The following FYB1 variants were observed in gnomAD, a reference collection of about 807,000 sequenced individuals.
FYB1 encodes FYN binding protein 1.
Under a neutral mutation model 94.1 loss-of-function variants are expected in FYB1, and 41 were observed. The observed-to-expected ratio is 0.44, with a 90% CI of 0.34 to 0.57. The LOEUF (loss-of-function observed/expected upper bound fraction) is 0.57, where lower values mean the gene tolerates loss of function less well. Ranked by LOEUF, FYB1 falls within the 20% of genes least tolerant of loss-of-function variation. The pLI, the probability that FYB1 is intolerant of heterozygous loss-of-function variation, is 0.02. For missense variants in FYB1, 1,050 were observed against 976.8 expected, an observed-to-expected ratio of 1.07 and a Z score of -1.00; for synonymous variants, 367 against 353.2, an observed-to-expected ratio of 1.04 and a Z score of -0.44.
rs1760403758 is a variant in FYB1 at position 39,106,815 on chromosome 5, A to G, written c.*628T>C. On this transcript the variant is annotated 3_prime_UTR_variant, in exon 19 of 19. Coordinates refer to ENST00000512982, the MANE Select transcript of FYB1 (RefSeq NM_001465.6). ...ACTTCAATGTGCATACTAAATGCATAACATTCGTATCAAATAATTAACATT... is the reference window on the plus strand; with the variant it reads ...ACTTCAATGTGCATACTAAATGCATGACATTCGTATCAAATAATTAACATT... The G allele has an allele frequency of 6.6e-6, 1 of 152,132 alleles. No homozygotes were observed. Among genetic ancestry groups the G allele is most frequent in the Admixed American group, 6.5e-5 (1 of 15,270 alleles). 9.4% of individuals were successfully genotyped at this position (152,132 alleles called of 1,614,324 possible). A position where few individuals can be genotyped will look rare whatever the true frequency, so the allele number is the denominator to read the frequency against.
intron 2 of FYB1, among the ~76,000 whole-genome samples, chr5:39,174,736 T>C (rs924328153): frequency 2.0e-5 from 3 of 152,240 alleles, no homozygotes; most frequent in Non-Finnish European, 4.4e-5. Flanking sequence ...TCTCTCTTTT[T>C]AGTTTGTTTA....
At chr5:39,172,864 G>A (rs539393370) in intron 2 of FYB1, among the ~76,000 whole-genome samples, 32 of 152,262 alleles carry the variant, frequency 2.1e-4, no homozygotes, top group African/African-American at 6.7e-4. Flanking sequence ...GGGCACCTAG[G>A]TTAATTGCAT....
intron 16 of FYB1, among the ~76,000 whole-genome samples, chr5:39,114,075 A>G (rs368113105): frequency 1.3e-5 from 2 of 152,122 alleles, no homozygotes; most frequent in African/African-American, 4.8e-5. Context: ...AAAATGATCA[A>G]TTGGATTTGG....
intron 1 of FYB1, among the ~76,000 whole-genome samples, chr5:39,264,654 C>T (rs1752353707): frequency 6.6e-6 from 1 of 152,140 alleles, no homozygotes; most frequent in Admixed American, 6.5e-5. Context: ...CCCCCATTTA[C>T]CCCATGCCCA....
At chr5:39,171,684 T>C (rs1745260786) in intron 2 of FYB1, among the ~76,000 whole-genome samples, 1 of 152,208 alleles carries the variant, frequency 6.6e-6, no homozygotes, top group South Asian at 2.1e-4. Context: ...TCACCTCCCA[T>C]TCTTTTGTTT....
At position 39,118,993 on chromosome 5, in the gene FYB1, G is replaced by C; in HGVS notation, c.2282C>G (p.Thr761Ser). 2 of 1,531,496 alleles carry C rather than the reference G, an allele frequency of 1.3e-6. No homozygotes were observed. Among genetic ancestry groups the C allele is most frequent in the Non-Finnish European group, 1.8e-6 (2 of 1,124,112 alleles). The allele number at this position is 1,531,496 out of a possible 1,614,324, so 94.9% of individuals were successfully genotyped here. A position where few individuals can be genotyped will look rare whatever the true frequency, so the allele number is the denominator to read the frequency against. Reference protein sequence around the residue: ...IRVLYSTKVTTSITSKKWGTR... With the variant: ...IRVLYSTKVTSSITSKKWGTR... Reference sequence around the variant, plus strand: ...TCCCCACTTTTTAGAAGTTATGGAAGTTGTAACTTTAGTTGAATATAGGAC... The same window carrying C: ...TCCCCACTTTTTAGAAGTTATGGAACTTGTAACTTTAGTTGAATATAGGAC... The change falls in exon 16 of 19, where the codon ACT becomes AGT. Residue 761 changes from threonine (T) to serine (S), a missense_variant. Thr to Ser is a moderately conservative substitution (Grantham distance 58, BLOSUM62 1). Coordinates refer to ENST00000512982, the MANE Select transcript of FYB1 (RefSeq NM_001465.6).
At chr5:39,246,002 C>T (rs541268475) in intron 1 of FYB1, among the ~76,000 whole-genome samples, 1 of 152,310 alleles carries the variant, frequency 6.6e-6, no homozygotes, top group Admixed American at 6.5e-5. Context: ...TCTACTTCTA[C>T]TTTGTTTTTA....
chr5:39,109,721 G>A (rs886388399), intron 17 of FYB1, among the ~76,000 whole-genome samples: 3 of 152,036 alleles, frequency 2.0e-5, no homozygotes, highest in African/African-American at 4.8e-5. Context: ...AATGGAGTTC[G>A]TTTCTTGCAC....
chr5:39,119,408 C>A, intron 15 of FYB1, 127 bp downstream of exon 15: 1 of 637,404 alleles, frequency 1.6e-6, no homozygotes, highest in Non-Finnish European at 2.6e-6. Context: ...GATAATTACA[C>A]TTTAAAGTGT....
At chr5:39,168,812 T>C (rs1744979789) in intron 2 of FYB1, among the ~76,000 whole-genome samples, 1 of 152,196 alleles carries the variant, frequency 6.6e-6, no homozygotes, top group African/African-American at 2.4e-5. Context: ...AATTCCTTTT[T>C]TCTTTTTTTA....
intron 6 of FYB1, 120 bp downstream of exon 6, chr5:39,138,537 G>A (rs1490654716): frequency 3.8e-6 from 2 of 528,758 alleles, no homozygotes; most frequent in Non-Finnish European, 6.7e-6. Context: ...GTTATTATAC[G>A]CCAGTCATTT....
chr5:39,176,720 A>G (rs906524309), intron 2 of FYB1, among the ~76,000 whole-genome samples: 4 of 152,232 alleles, frequency 2.6e-5, no homozygotes, highest in Admixed American at 1.3e-4. Flanking sequence ...CGAAAACATT[A>G]GTTTTTCAGA....
intron 1 of FYB1, among the ~76,000 whole-genome samples, chr5:39,259,295 C>T (rs1752116223): frequency 6.6e-6 from 1 of 152,196 alleles, no homozygotes. Context: ...AACCCAGTTC[C>T]AGAACAAGAA....
intron 9 of FYB1, 58 bp from the exon 10 acceptor site, chr5:39,130,670 G>A (rs2150309418): frequency 7.8e-7 from 1 of 1,275,578 alleles, no homozygotes; most frequent in Non-Finnish European, 1.1e-6. Context: ...CTATGAGGAA[G>A]AGAAGTACAT....
At chr5:39,274,290 C>G (rs899234515) in intron 1 of FYB1, 3 of 152,162 alleles carry the variant, frequency 2.0e-5, no homozygotes, top group Non-Finnish European at 1.5e-5. Context: ...TTTTTTATAA[C>G]CCGAATGTCT....
At chr5:39,198,321 C>T (rs1748009946) in intron 2 of FYB1, among the ~76,000 whole-genome samples, 1 of 152,140 alleles carries the variant, frequency 6.6e-6, no homozygotes, top group Non-Finnish European at 1.5e-5. Context: ...AACTCTCATG[C>T]TAGGCTCTGT....
chr5:39,123,244 CT>C (rs1740294688), intron 13 of FYB1, among the ~76,000 whole-genome samples: 2 of 152,126 alleles, frequency 1.3e-5, no homozygotes, highest in South Asian at 2.1e-4. Context: ...AAATCTCCCC[CT>C]CTATGTCCTC....
chr5:39,145,161 A>AT (rs1410651104), intron 3 of FYB1, among the ~76,000 whole-genome samples: 3 of 152,140 alleles, frequency 2.0e-5, no homozygotes, highest in Non-Finnish European at 1.5e-5. Context: ...TATGCTTAAC[A>AT]TTTTTTACAA....
chr5:39,231,803 A>G (rs1234075388), intron 1 of FYB1, among the ~76,000 whole-genome samples: 1 of 151,792 alleles, frequency 6.6e-6, no homozygotes, highest in Non-Finnish European at 1.5e-5. Flanking sequence ...TTCCCACAGA[A>G]TCAGCAATTC....
Sources: allele counts gnomAD v4.1 joint callset (sites outside exome capture counted in the v4.1 genomes callset), GRCh38; gene constraint gnomAD v4.1.1; transcripts MANE v1.5; gene names NCBI Gene and HGNC (gene_info 2026-07-23, HGNC 2026-07-21).